The following PKNOX2 variants were observed in gnomAD, a reference collection of about 807,000 sequenced individuals.
PKNOX2 encodes PBX/knotted 1 homeobox 2, also known as homeobox protein PKNOX2.
A neutral mutation model predicts 53.1 loss-of-function variants in PKNOX2; 14 were observed. The ratio of observed to expected loss-of-function variants is 0.26; its 90% CI spans 0.17 to 0.41. The LOEUF (loss-of-function observed/expected upper bound fraction) is 0.41. Among genes scored for constraint, PKNOX2 ranks in the 10% least tolerant of loss-of-function variants. PKNOX2 has a pLI of 1.00. For synonymous variants in PKNOX2, 257 were observed against 242.8 expected, an observed-to-expected ratio of 1.06 and a Z score of -0.54; for missense variants, 496 against 602.8, an observed-to-expected ratio of 0.82 and a Z score of 1.85.
chr11:125,280,612 G>C (rs1407352085), intron 2 of PKNOX2, among the ~76,000 whole-genome samples: 2 of 152,178 alleles, frequency 1.3e-5, no homozygotes, highest in African/African-American at 4.8e-5. Flanking sequence ...ACCCTTACTG[G>C]GTTTGAGTGA....
At chr11:125,306,935 G>A (rs949227876) in intron 2 of PKNOX2, among the ~76,000 whole-genome samples, 1 of 152,188 alleles carries the variant, frequency 6.6e-6, no homozygotes, top group African/African-American at 2.4e-5. Context: ...TTCCCAGTAG[G>A]GTTGAGAGGG....
In PKNOX2 at chr11:125,422,323, G is replaced by A. The variant is rs2135640362; in HGVS notation, c.937-6689G>A. 6.6e-6 allele frequency among the ~76,000 whole-genome samples: 1 copy of A among 152,256 alleles called. No individual in the cohort carries two copies. Among genetic ancestry groups the A allele is most frequent in the Middle Eastern group, 3.4e-3 (1 of 294 alleles). On this transcript the variant is annotated intron_variant, in intron 10 of 12. Transcript: ENST00000298282. The surrounding 1 kb of genome is among the most constrained non-coding windows in gnomAD (Gnocchi z 4.1). ...CGGCTACCAGGAGGAAGGAGGTCAG[G>A]CCAGCTGGGTTCTTGGTTACATTTC... is the stretch of plus-strand genomic sequence containing the variant.
At chr11:125,173,368 G>A (rs541765921) in intron 1 of PKNOX2, among the ~76,000 whole-genome samples, 2 of 152,286 alleles carry the variant, frequency 1.3e-5, no homozygotes, top group East Asian at 3.9e-4. Context: ...GGTCCAGGAA[G>A]TGGGTGCAGG....
At chr11:125,428,017 C>G (rs1170726127) in intron 10 of PKNOX2, among the ~76,000 whole-genome samples, 2 of 152,190 alleles carry the variant, frequency 1.3e-5, no homozygotes, top group Admixed American at 1.3e-4. Flanking sequence ...CATTTCTCTC[C>G]TTCTTAGCCT....
At chr11:125,265,459 A>T (rs1591504446) in intron 2 of PKNOX2, among the ~76,000 whole-genome samples, 1 of 152,284 alleles carries the variant, frequency 6.6e-6, no homozygotes, top group South Asian at 2.1e-4. Flanking sequence ...GTTCCTCTTC[A>T]GCACCCAGGA....
At chr11:125,316,792 G>A (rs1370339380) in intron 2 of PKNOX2, among the ~76,000 whole-genome samples, 1 of 152,212 alleles carries the variant, frequency 6.6e-6, no homozygotes, top group East Asian at 1.9e-4. Flanking sequence ...TGGCTGATTA[G>A]GAGTTTAGTT....
At position 125,431,296 on chromosome 11, in the gene PKNOX2, A is replaced by AGAG. The variant is rs3832749; in HGVS notation, c.1339_1341dup (p.Glu447dup). On this transcript the variant is annotated inframe_insertion, in exon 13 of 13. Transcript: ENST00000298282. ...AAGAAGAGGATGAGGATGAGATGGAAGAGGAGGAGGAGGAGGAGCTGGAGG... is the reference window on the plus strand; with the variant it reads ...AAGAAGAGGATGAGGATGAGATGGAAGAGGAGGAGGAGGAGGAGGAGCTGGAGG... 5 of 1,613,080 alleles carry AGAG rather than the reference A, an allele frequency of 3.1e-6. No individual in the cohort carries two copies. Among genetic ancestry groups the AGAG allele is most frequent in the South Asian group, 1.1e-5 (1 of 90,996 alleles).
chr11:125,254,990 G>A (rs1944306742), intron 2 of PKNOX2, among the ~76,000 whole-genome samples: 1 of 152,176 alleles, frequency 6.6e-6, no homozygotes, highest in Non-Finnish European at 1.5e-5. Context: ...CACACACCCG[G>A]CATTGTGCTA....
At chr11:125,402,705 G>A (rs147792596) in intron 7 of PKNOX2, among the ~76,000 whole-genome samples, 6 of 152,342 alleles carry the variant, frequency 3.9e-5, no homozygotes, top group African/African-American at 1.4e-4. Flanking sequence ...AGCAGCCAAA[G>A]AGATGGGGAG....
chr11:125,218,306 T>G (rs1940760047), intron 1 of PKNOX2, among the ~76,000 whole-genome samples: 1 of 148,046 alleles, frequency 6.8e-6, no homozygotes, highest in Admixed American at 6.7e-5. Flanking sequence ...AAGGAACTCA[T>G]GGGGAAGTGA....
At chr11:125,303,462 G>A (rs998911553) in intron 2 of PKNOX2, among the ~76,000 whole-genome samples, 1 of 152,100 alleles carries the variant, frequency 6.6e-6, no homozygotes, top group African/African-American at 2.4e-5. Context: ...GCTCGGGAAA[G>A]GATGTGGGGT....
chr11:125,325,544 T>G (rs1259630677), intron 2 of PKNOX2, among the ~76,000 whole-genome samples: 1 of 152,176 alleles, frequency 6.6e-6, no homozygotes, highest in Non-Finnish European at 1.5e-5. Context: ...ATGAGAAAGA[T>G]TCTGCTAGAT....
intron 2 of PKNOX2, among the ~76,000 whole-genome samples, chr11:125,330,088 C>T (rs947569116): frequency 1.3e-5 from 2 of 151,380 alleles, no homozygotes; most frequent in East Asian, 1.9e-4. Flanking sequence ...CGCTGTGGGG[C>T]CGATGGTGGG....
intron 4 of PKNOX2, among the ~76,000 whole-genome samples, chr11:125,351,808 C>A (rs1951340852): frequency 6.6e-6 from 1 of 152,110 alleles, no homozygotes; most frequent in South Asian, 2.1e-4. Flanking sequence ...GAGTGCCAGG[C>A]CCCCCATTCT....
intron 7 of PKNOX2, among the ~76,000 whole-genome samples, chr11:125,405,377 C>T (rs1955023926): frequency 6.6e-6 from 1 of 152,172 alleles, no homozygotes; most frequent in Admixed American, 6.5e-5. Context: ...TGAAGTCTTC[C>T]TTGAGTTTCC....
At chr11:125,368,250 T>C (rs144836148) in intron 5 of PKNOX2, among the ~76,000 whole-genome samples, 21 of 152,182 alleles carry the variant, frequency 1.4e-4, no homozygotes, top group African/African-American at 5.1e-4. Context: ...CCCTAATGGG[T>C]ATCAGAAACC....
At chr11:125,360,133 C>T (rs1489780338) in intron 4 of PKNOX2, among the ~76,000 whole-genome samples, 17 of 139,480 alleles carry the variant, frequency 1.2e-4, no homozygotes, top group Admixed American at 3.0e-4. Flanking sequence ...GCAACAAGAG[C>T]GAAACTCCAT....
intron 1 of PKNOX2, among the ~76,000 whole-genome samples, chr11:125,201,603 C>A (rs975175471): frequency 2.6e-5 from 4 of 152,112 alleles, no homozygotes; most frequent in African/African-American, 9.7e-5. Context: ...GTGCGGCTGC[C>A]AAGCTAAGGA....
intron 2 of PKNOX2, among the ~76,000 whole-genome samples, chr11:125,281,706 C>A (rs1199512560): frequency 6.6e-6 from 1 of 152,168 alleles, no homozygotes; most frequent in Non-Finnish European, 1.5e-5. Context: ...GTTTCCTTTC[C>A]TGTAAAATCC....
Sources: gnomAD v4.1 joint callset for allele counts (sites outside exome capture counted in the v4.1 genomes callset) on GRCh38, gnomAD v4.1.1 for gene constraint, Gnocchi (gnomAD v3.1) non-coding constraint, MANE v1.5 for transcripts, NCBI Gene and HGNC (gene_info 2026-07-23, HGNC 2026-07-21) for gene names.